RAMP3: variants seen among roughly 807,000 people sequenced by gnomAD.
The protein encoded by RAMP3 is receptor activity-modifying protein 3.
RAMP3 carries 14 observed loss-of-function variants against 13.5 expected under a neutral mutation model. The ratio of observed to expected loss-of-function variants is 1.04; its 90% CI spans 0.69 to 1.63. The LOEUF (loss-of-function observed/expected upper bound fraction) is 1.63, where lower values mean the gene tolerates loss of function less well. RAMP3 is among the 40% of genes most tolerant of loss of function. RAMP3 has a pLI of 0.00. For synonymous variants in RAMP3, 106 were observed against 88.3 expected (o/e 1.20, Z -1.12); for missense variants, 200 against 204.8 (o/e 0.98, Z 0.14).
At position 45,183,733 on chromosome 7, in the gene RAMP3, G is replaced by A. The variant is rs1298319780; in HGVS notation, c.*321G>A. On this transcript the variant is annotated 3_prime_UTR_variant, in exon 3 of 3. Transcript: ENST00000242249. Reference sequence around the variant, plus strand: ...GCAGGCTGGGCCGGAGCCTCTGCCCGCAGGTTTCTATGCTGTTTCTTAGCA... The same window carrying A: ...GCAGGCTGGGCCGGAGCCTCTGCCCACAGGTTTCTATGCTGTTTCTTAGCA... 12 of 569,776 alleles carry A rather than the reference G, an allele frequency of 2.1e-5. No homozygotes were observed. Among genetic ancestry groups the A allele is most frequent in the African/African-American group, 9.4e-5 (5 of 53,466 alleles). 35.3% of individuals were successfully genotyped at this position (569,776 alleles called of 1,614,324 possible).
At chr7:45,180,312 C>CA (rs1457318534) in intron 2 of RAMP3, among the ~76,000 whole-genome samples, 1 of 152,242 alleles carries the variant, frequency 6.6e-6, no homozygotes, top group African/African-American at 2.4e-5. Context: ...CCATGCCCTG[C>CA]AGCCCAGCTC....
At chr7:45,181,097 G>C (rs1382372501) in intron 2 of RAMP3, among the ~76,000 whole-genome samples, 1 of 152,190 alleles carries the variant, frequency 6.6e-6, no homozygotes, top group Non-Finnish European at 1.5e-5. Flanking sequence ...CAACTCATTT[G>C]GTTCTCTCAA....
chr7:45,182,764 C>G (rs868814700), intron 2 of RAMP3, among the ~76,000 whole-genome samples: 1 of 152,096 alleles, frequency 6.6e-6, no homozygotes, highest in African/African-American at 2.4e-5. Flanking sequence ...CTTAGGGTAT[C>G]CTGGATGATG....
rs543222016 is a variant in RAMP3, at chr7:45,181,546, G to A, written c.192-1611G>A. Among the ~76,000 whole-genome samples, 59 of 152,358 alleles carry A rather than the reference G, an allele frequency of 3.9e-4. No individual in the cohort carries two copies. The South Asian group carries it at 0.011, about 29-fold the overall frequency. On this transcript the variant is annotated intron_variant, in intron 2 of 2. Transcript: ENST00000242249. The stretch of plus-strand genomic sequence containing the variant: ...TCAGTGGAATGACTTTGGAGGCACA[G>A]AGGTTACCGCATGTGATTCTCATCA...
chr7:45,173,616 C>G (rs960101281), intron 1 of RAMP3, among the ~76,000 whole-genome samples: 2 of 152,206 alleles, frequency 1.3e-5, no homozygotes, highest in Middle Eastern at 3.2e-3. Flanking sequence ...CCAAGTTTCC[C>G]AGTGCCCAGT....
intron 1 of RAMP3, among the ~76,000 whole-genome samples, chr7:45,162,004 G>A (rs774676903): frequency 7.2e-5 from 11 of 152,214 alleles, no homozygotes; most frequent in Non-Finnish European, 1.5e-4. Context: ...GCAGCTAGGC[G>A]AACCTTCAGA....
At chr7:45,174,889 C>A (rs936174570) in intron 1 of RAMP3, among the ~76,000 whole-genome samples, 1 of 152,196 alleles carries the variant, frequency 6.6e-6, no homozygotes, top group Non-Finnish European at 1.5e-5. Flanking sequence ...ACACAGTCCG[C>A]AACACATGAT....
At position 45,166,958 on chromosome 7, in the gene RAMP3, C is replaced by CTTTT. The variant is rs202162694; in HGVS notation, c.58+9086_58+9089dup. 8.7e-3 allele frequency among the ~76,000 whole-genome samples: 882 copies of CTTTT among 101,208 alleles called. 73 individuals are homozygous for CTTTT. Among genetic ancestry groups the CTTTT allele is most frequent in the African/African-American group, 0.038 (841 of 22,032 alleles). 66.4% of individuals were successfully genotyped at this position (101,208 alleles called of 152,430 possible). A position where few individuals can be genotyped will look rare whatever the true frequency, so the allele number is the denominator to read the frequency against. On this transcript the variant is annotated intron_variant, in intron 1 of 2. Transcript: ENST00000242249. ...TAGCTCTACATGTAGGTCTTTGATG[C>CTTTT]TTTTTTTTTTTTTTTTTGAGACAGA...
chr7:45,176,735 G>A (rs1786194026), intron 1 of RAMP3, among the ~76,000 whole-genome samples: 1 of 152,222 alleles, frequency 6.6e-6, no homozygotes, highest in African/African-American at 2.4e-5. Context: ...CAAGCAGCTT[G>A]TGTCAGACCC....
At chr7:45,157,925 C>T in intron 1 of RAMP3, 39 bp downstream of exon 1, 1 of 1,339,188 alleles carries the variant, frequency 7.5e-7, no homozygotes, top group African/African-American at 1.5e-5. Flanking sequence ...CGCCCCCACT[C>T]CTCGGGGTTC....
At chr7:45,158,008 G>T in intron 1 of RAMP3, 122 bp downstream of exon 1, 2 of 972,166 alleles carry the variant, frequency 2.1e-6, no homozygotes, top group Non-Finnish European at 2.7e-6. Context: ...GCTCGGGAGG[G>T]GCGCACAGTG....
At chr7:45,162,953 C>A (rs750625156) in intron 1 of RAMP3, among the ~76,000 whole-genome samples, 100 of 152,180 alleles carry the variant, frequency 6.6e-4, no homozygotes, top group Non-Finnish European at 1.2e-4. Context: ...CTGGAGCTTG[C>A]AGAGATGAGT....
intron 1 of RAMP3, among the ~76,000 whole-genome samples, chr7:45,168,316 G>A (rs969226949): frequency 3.7e-4 from 51 of 138,390 alleles, no homozygotes; most frequent in African/African-American, 1.2e-3. Context: ...TGAGGCATGA[G>A]AATCCCTTGA....
chr7:45,165,166 G>C (rs1195165098), intron 1 of RAMP3, among the ~76,000 whole-genome samples: 1 of 151,934 alleles, frequency 6.6e-6, no homozygotes, highest in African/African-American at 2.4e-5. Flanking sequence ...CAGGGTTTAT[G>C]GTATACATCT....
chr7:45,181,280 C>G (rs1228714149), intron 2 of RAMP3, among the ~76,000 whole-genome samples: 1 of 152,240 alleles, frequency 6.6e-6, no homozygotes, highest in African/African-American at 2.4e-5. Context: ...TCCATGCTGT[C>G]TTCTGGGATT....
chr7:45,160,338 A>C (rs1357739972), intron 1 of RAMP3, among the ~76,000 whole-genome samples: 72 of 87,696 alleles, frequency 8.2e-4, no homozygotes, highest in African/African-American at 4.3e-3. Context: ...CTCAAAAAAA[A>C]AAAAAAAAAA....
intron 1 of RAMP3, among the ~76,000 whole-genome samples, chr7:45,166,164 C>A (rs1785957254): frequency 6.8e-6 from 1 of 146,598 alleles, no homozygotes; most frequent in Non-Finnish European, 1.5e-5. Flanking sequence ...TTCTGCATGT[C>A]CTCACTGACA....
intron 1 of RAMP3, chr7:45,163,404 A>G (rs1785899925): frequency 1.0e-6 from 1 of 985,356 alleles, no homozygotes; most frequent in Non-Finnish European, 1.2e-6. Context: ...CTGTGCTACA[A>G]GAGAACCTGG....
intron 1 of RAMP3, among the ~76,000 whole-genome samples, chr7:45,171,963 C>T (rs1438436685): frequency 1.3e-5 from 2 of 152,234 alleles, no homozygotes; most frequent in African/African-American, 4.8e-5. Flanking sequence ...ATCTCTGCTC[C>T]ACAAGCAGGC....
Sources: gnomAD v4.1 joint callset for allele counts (sites outside exome capture counted in the v4.1 genomes callset) on GRCh38, gnomAD v4.1.1 for gene constraint, MANE v1.5 for transcripts, NCBI Gene and HGNC (gene_info 2026-07-23, HGNC 2026-07-21) for gene names.